SAMMSON: variants seen among roughly 807,000 people sequenced by gnomAD.
SAMMSON encodes long intergenic non-protein coding RNA 1212.
chr3:70,180,032 G>GCA (rs60799719), intron 4 of SAMMSON, among the ~76,000 whole-genome samples: 1 of 149,278 alleles, frequency 6.7e-6, no homozygotes, highest in East Asian at 2.0e-4. Flanking sequence ...GTGTGTGCGC[G>GCA]CACGTGTGTG....
intron 4 of SAMMSON, among the ~76,000 whole-genome samples, chr3:70,207,145 G>A (rs1338145669): frequency 6.6e-6 from 1 of 151,256 alleles, no homozygotes; most frequent in Non-Finnish European, 1.5e-5. Flanking sequence ...TTATTAATCT[G>A]AGGAAAAGGA....
intron 4 of SAMMSON, among the ~76,000 whole-genome samples, chr3:70,191,164 G>A (rs916800958): frequency 1.3e-5 from 2 of 152,218 alleles, no homozygotes; most frequent in Non-Finnish European, 2.9e-5. Flanking sequence ...CAAAGAGGAT[G>A]TTGGGGAGTG....
intron 4 of SAMMSON, among the ~76,000 whole-genome samples, chr3:70,093,742 G>T (rs891317754): frequency 1.3e-5 from 2 of 152,004 alleles, no homozygotes. Context: ...AGATCTCTTT[G>T]GTTCTTTAGT....
At chr3:70,011,514 A>C (rs774222218) in intron 1 of SAMMSON, among the ~76,000 whole-genome samples, 23 of 152,064 alleles carry the variant, frequency 1.5e-4, no homozygotes, top group Admixed American at 9.2e-4. Flanking sequence ...AACAAAGCCA[A>C]CTTTGACCCC....
At chr3:70,242,945 G>T (rs1263900721) in intron 4 of SAMMSON, among the ~76,000 whole-genome samples, 1 of 152,046 alleles carries the variant, frequency 6.6e-6, no homozygotes, top group Non-Finnish European at 1.5e-5. Flanking sequence ...ATCAAAAAAA[G>T]ACTTTAAAAA....
At chr3:70,094,396 C>G (rs2067316475) in intron 4 of SAMMSON, among the ~76,000 whole-genome samples, 1 of 152,158 alleles carries the variant, frequency 6.6e-6, no homozygotes, top group Non-Finnish European at 1.5e-5. Context: ...ACTTCCCCAT[C>G]CCCACTAAAT....
intron 3 of SAMMSON, among the ~76,000 whole-genome samples, chr3:70,015,477 G>C (rs899577101): frequency 6.6e-6 from 1 of 151,274 alleles, no homozygotes; most frequent in Non-Finnish European, 1.5e-5. Context: ...TCTTGTCTTT[G>C]GTAATTGAGA....
chr3:70,414,495 C>G (rs1277976423), intron 2 of SAMMSON, among the ~76,000 whole-genome samples: 1 of 152,152 alleles, frequency 6.6e-6, no homozygotes, highest in Non-Finnish European at 1.5e-5. Context: ...GTAAGACTGT[C>G]ACTTACTGTG....
intron 4 of SAMMSON, among the ~76,000 whole-genome samples, chr3:70,168,377 G>A (rs1390976700): frequency 6.6e-6 from 1 of 151,996 alleles, no homozygotes; most frequent in Non-Finnish European, 1.5e-5. Flanking sequence ...GCACAGGTCA[G>A]TAGTGGCGCC....
In SAMMSON at chr3:70,180,431, G is replaced by A. The variant is rs146489776; in HGVS notation, n.508-68676G>A. Among the ~76,000 whole-genome samples the A allele has an allele frequency of 1.5e-3, 224 of 151,872 alleles. 2 individuals are homozygous for A. Among genetic ancestry groups the A allele is most frequent in the African/African-American group, 5.3e-3 (218 of 41,372 alleles). ...TATATACTACCTACATATATTACAC[G>A]TATGTTGCATATATAATATCTAGTA... On this transcript the variant is annotated intron_variant and non_coding_transcript_variant, in intron 4 of 9. Transcript: ENST00000642114.
At chr3:70,227,119 T>A in intron 4 of SAMMSON, among the ~76,000 whole-genome samples, 1 of 152,174 alleles carries the variant, frequency 6.6e-6, no homozygotes, top group East Asian at 1.9e-4. Flanking sequence ...TTAACTCCTG[T>A]GTAAGATACT....
At position 70,255,615 on chromosome 3, in the gene SAMMSON, C is replaced by T. The variant is rs565376052; in HGVS notation, n.674+5945C>T. Among the ~76,000 whole-genome samples the T allele has an allele frequency of 2.0e-4, 30 of 152,214 alleles. 2 individuals carry two copies. The South Asian group carries it at 6.2e-3, about 32-fold the overall frequency. ...CAGCTAGGACTGCAGGCATGCACCA[C>T]CAAGCCTGGCTATTTTTTTTTCCTG... On this transcript the variant is annotated intron_variant and non_coding_transcript_variant, in intron 6 of 9. Coordinates refer to ENST00000642114, the Ensembl canonical transcript of SAMMSON.
At chr3:70,014,531 A>T (rs1285242117) in intron 3 of SAMMSON, 2 of 152,146 alleles carry the variant, frequency 1.3e-5, no homozygotes, top group African/African-American at 4.8e-5. Flanking sequence ...AAGTTCACAC[A>T]TTTCAGCCAA....
chr3:70,120,083 C>T (rs571158956), intron 4 of SAMMSON: 1 of 152,248 alleles, frequency 6.6e-6, no homozygotes, highest in Non-Finnish European at 1.5e-5. Flanking sequence ...CAGTGTCTTC[C>T]TTCCAGTGAC....
intron 2 of SAMMSON, among the ~76,000 whole-genome samples, chr3:70,411,089 G>C (rs1217945447): frequency 6.6e-6 from 1 of 152,116 alleles, no homozygotes; most frequent in Non-Finnish European, 1.5e-5. Context: ...CAATTCTTTT[G>C]AAGACCATCA....
chr3:70,174,665 T>C (rs1399047753), intron 4 of SAMMSON, among the ~76,000 whole-genome samples: 1 of 152,216 alleles, frequency 6.6e-6, no homozygotes, highest in African/African-American at 2.4e-5. Context: ...TTAGTTTTAT[T>C]GTATTCATAT....
At chr3:70,150,854 C>T (rs908394225) in intron 4 of SAMMSON, among the ~76,000 whole-genome samples, 1 of 151,908 alleles carries the variant, frequency 6.6e-6, no homozygotes, top group African/African-American at 2.4e-5. Flanking sequence ...TAGCTGCCAT[C>T]CCCTTAAAGG....
intron 3 of SAMMSON, among the ~76,000 whole-genome samples, chr3:70,028,644 C>T (rs1330687399): frequency 6.6e-6 from 1 of 152,080 alleles, no homozygotes. Context: ...AGAAGACATT[C>T]CTTTGGGCTG....
intron 7 of SAMMSON, among the ~76,000 whole-genome samples, chr3:70,318,418 A>G (rs1038397213): frequency 1.3e-5 from 2 of 151,916 alleles, no homozygotes; most frequent in Non-Finnish European, 2.9e-5. Context: ...GCAACCTGGC[A>G]TAGTTTTCAT....
Sources: gnomAD v4.1 joint callset for allele counts (sites outside exome capture counted in the v4.1 genomes callset) on GRCh38, gnomAD v4.1.1 for gene constraint, MANE v1.5 for transcripts, NCBI Gene and HGNC (gene_info 2026-07-23, HGNC 2026-07-21) for gene names.